CDCA7L: variants seen among roughly 807,000 people sequenced by gnomAD.
CDCA7L encodes the protein cell division cycle-associated 7-like protein.
In CDCA7L, 44 loss-of-function variants were observed where a neutral mutation model predicts 57.4. The ratio of observed to expected loss-of-function variants is 0.77; its 90% CI spans 0.60 to 0.98. CDCA7L has a LOEUF of 0.98. CDCA7L is among the 50% of genes least tolerant of loss of function. The pLI, the probability that CDCA7L is intolerant of heterozygous loss-of-function variation, is 0.00. For synonymous variants in CDCA7L, 236 were observed against 202.8 expected (o/e 1.16, Z -1.39); for missense variants, 644 against 580.6 (o/e 1.11, Z -1.12).
At chr7:21,915,535 C>T (rs545579792) in intron 2 of CDCA7L, among the ~76,000 whole-genome samples, 14 of 151,714 alleles carry the variant, frequency 9.2e-5, no homozygotes, top group Admixed American at 6.6e-4. Context: ...CAGTGGCTCA[C>T]GCCTCTAATT....
At chr7:21,937,164 C>T (rs189528084) in intron 1 of CDCA7L, among the ~76,000 whole-genome samples, 1 of 152,288 alleles carries the variant, frequency 6.6e-6, no homozygotes, top group African/African-American at 2.4e-5. Flanking sequence ...AAATGGAGAA[C>T]CATCCCATGT....
chr7:21,945,864 A>G lies in CDCA7L; in HGVS notation c.-60T>C, dbSNP rs1583887333. On this transcript the variant is annotated 5_prime_UTR_variant, in exon 1 of 10. Transcript: ENST00000406877. ...GCGGCCACGGGAGCCCGGACTCACC[A>G]CGGCCCGGCGCACCAAGAACGCCCC... The G allele has an allele frequency of 1.3e-6, 2 of 1,542,340 alleles. No homozygotes were observed. Among genetic ancestry groups the G allele is most frequent in the South Asian group, 1.2e-5 (1 of 84,170 alleles).
chr7:21,937,848 G>T (rs1786221233), intron 1 of CDCA7L, among the ~76,000 whole-genome samples: 1 of 152,106 alleles, frequency 6.6e-6, no homozygotes, highest in Non-Finnish European at 1.5e-5. Context: ...TAATGGCAAA[G>T]AACAGTATTT....
At chr7:21,941,044 C>T (rs904258415) in intron 1 of CDCA7L, among the ~76,000 whole-genome samples, 3 of 152,018 alleles carry the variant, frequency 2.0e-5, no homozygotes, top group African/African-American at 7.3e-5. Flanking sequence ...GGGGAAATGC[C>T]CTAGGAAAAC....
chr7:21,910,240 G>C (rs7811959), intron 3 of CDCA7L, among the ~76,000 whole-genome samples: 16,677 of 152,264 alleles, frequency 0.11, 919 homozygotes, highest in African/African-American at 0.14. Flanking sequence ...TAGGGTTTTA[G>C]AAGCATCTTA....
At chr7:21,938,480 A>C (rs1468638298) in intron 1 of CDCA7L, among the ~76,000 whole-genome samples, 1 of 152,198 alleles carries the variant, frequency 6.6e-6, no homozygotes, top group Non-Finnish European at 1.5e-5. Context: ...CACTGTGCCA[A>C]ACAGTATAGT....
At chr7:21,939,333 T>G (rs1217987906) in intron 1 of CDCA7L, among the ~76,000 whole-genome samples, 2 of 152,214 alleles carry the variant, frequency 1.3e-5, no homozygotes, top group African/African-American at 2.4e-5. Context: ...ATAGTACCTT[T>G]TATTATGTAT....
In CDCA7L at chr7:21,906,672, A is replaced by G. The variant is rs1320705520; in HGVS notation, c.682-33T>C. 5 of 1,607,716 alleles carry G rather than the reference A, an allele frequency of 3.1e-6. No individual in the cohort carries two copies. The African/African-American group carries it at 4.0e-5, about 13-fold the overall frequency. On this transcript the variant is annotated intron_variant, in intron 4 of 9. Transcript: ENST00000406877. Reference sequence around the variant, plus strand: ...TCAGAACAAAAGAAAGAATCTTACAAAAATAGGGCTCCAGGTTTAGGTCAT... The same window carrying G: ...TCAGAACAAAAGAAAGAATCTTACAGAAATAGGGCTCCAGGTTTAGGTCAT...
chr7:21,901,402 G>GAAAAAAATACT lies in CDCA7L; in HGVS notation c.*909_*919dup. 8.7e-7 allele frequency: 1 copy of GAAAAAAATACT among 1,154,726 alleles called. No homozygotes were observed. Among genetic ancestry groups the GAAAAAAATACT allele is most frequent in the Non-Finnish European group, 1.1e-6 (1 of 887,798 alleles). The allele number at this position is 1,154,726 out of a possible 1,614,324, so 71.5% of individuals were successfully genotyped here. A position where few individuals can be genotyped will look rare whatever the true frequency, so the allele number is the denominator to read the frequency against. On this transcript the variant is annotated 3_prime_UTR_variant, in exon 10 of 10. Coordinates refer to ENST00000406877, the MANE Select transcript of CDCA7L (RefSeq NM_018719.5). ...AACGCTATCCTTAGAGTGAAAGTCAGAAAAAAATACTAGAAACTAACTCAG... is the reference window on the plus strand; with the variant it reads ...AACGCTATCCTTAGAGTGAAAGTCAGAAAAAAATACTAAAAAAATACTAGAAACTAACTCAG...
At chr7:21,941,765 C>T (rs775903252) in intron 1 of CDCA7L, among the ~76,000 whole-genome samples, 1 of 152,200 alleles carries the variant, frequency 6.6e-6, no homozygotes, top group Non-Finnish European at 1.5e-5. Context: ...TTAGCCTTAT[C>T]TTTAAAAGGC....
intron 1 of CDCA7L, among the ~76,000 whole-genome samples, chr7:21,940,612 C>T (rs943891154): frequency 2.0e-5 from 3 of 152,178 alleles, no homozygotes; most frequent in African/African-American, 4.8e-5. Flanking sequence ...CCTGAGCCAG[C>T]GGTGGGGGCA....
chr7:21,929,932 A>G (rs1049892555), intron 1 of CDCA7L, among the ~76,000 whole-genome samples: 1 of 152,206 alleles, frequency 6.6e-6, no homozygotes, highest in African/African-American at 2.4e-5. Context: ...TAATAAGGAT[A>G]TTCAGGACTT....
chr7:21,911,234 C>T (rs1031383207), intron 3 of CDCA7L, among the ~76,000 whole-genome samples: 9 of 151,378 alleles, frequency 5.9e-5, no homozygotes, highest in African/African-American at 1.7e-4. Flanking sequence ...TTCACCATAT[C>T]GGTGAGGCTG....
chr7:21,903,244 G>T (rs773808444), intron 8 of CDCA7L, 130 bp from the exon 9 acceptor site: 2 of 805,330 alleles, frequency 2.5e-6, no homozygotes, highest in African/African-American at 1.7e-5. Flanking sequence ...TTCAGTCTAC[G>T]TCCCAGGGGG....
At chr7:21,918,379 C>A (rs994287994) in intron 1 of CDCA7L, among the ~76,000 whole-genome samples, 5 of 152,192 alleles carry the variant, frequency 3.3e-5, no homozygotes, top group African/African-American at 1.2e-4. Flanking sequence ...TCATGTCACT[C>A]TGTATCATCA....
chr7:21,919,125 A>ATT (rs1785579661), intron 1 of CDCA7L, among the ~76,000 whole-genome samples: 2 of 152,124 alleles, frequency 1.3e-5, no homozygotes, highest in Admixed American at 1.3e-4. Context: ...TGAATGAATT[A>ATT]TTACATTAGG....
intron 1 of CDCA7L, among the ~76,000 whole-genome samples, chr7:21,932,265 T>C (rs1225289378): frequency 6.6e-6 from 1 of 152,198 alleles, no homozygotes; most frequent in Non-Finnish European, 1.5e-5. Flanking sequence ...CCCATCAAGA[T>C]ACCAATGACT....
Position 21,922,879 on chromosome 7 carries a change from T to C in CDCA7L, c.25-5985A>G, listed in dbSNP as rs918197315. Among the ~76,000 whole-genome samples, 9 of 152,294 alleles carry C rather than the reference T, an allele frequency of 5.9e-5. No homozygotes were observed. The East Asian group carries it at 7.7e-4, about 13-fold the overall frequency. On this transcript the variant is annotated intron_variant, in intron 1 of 9. Transcript: ENST00000406877. ...ACACATGCCACAACATGGATGAACTTTGAAGACGTTATGCTAAATGATAAT... is the reference window on the plus strand; with the variant it reads ...ACACATGCCACAACATGGATGAACTCTGAAGACGTTATGCTAAATGATAAT...
Position 21,901,011 on chromosome 7 carries a change from C to T in CDCA7L, c.*1311G>A. ...ACCGCTGTGTTTTTGCCATAGGCGC[C>T]CGCTGGGACACCCAAGCAGGAACCA... On this transcript the variant is annotated 3_prime_UTR_variant, in exon 10 of 10. Transcript: ENST00000406877. 6.3e-7 allele frequency: 1 copy of T among 1,589,978 alleles called. No individual in the cohort carries two copies. The highest frequency in any genetic ancestry group is 8.6e-7 in the Non-Finnish European group (1 of 1,167,988).
Sources: gnomAD v4.1 joint callset for allele counts (sites outside exome capture counted in the v4.1 genomes callset) on GRCh38, gnomAD v4.1.1 for gene constraint, MANE v1.5 for transcripts, NCBI Gene and HGNC (gene_info 2026-07-23, HGNC 2026-07-21) for gene names.